The following TMEM267 variants were observed in gnomAD, a reference collection of about 807,000 sequenced individuals.
TMEM267 encodes the protein transmembrane protein C5orf28.
TMEM267 carries 20 observed loss-of-function variants against 19.3 expected under a neutral mutation model. The observed-to-expected ratio is 1.04, with a 90% CI of 0.73 to 1.51. The LOEUF is 1.51. Ranked by LOEUF, TMEM267 falls within the 40% of genes most tolerant of loss-of-function variation. The probability of loss-of-function intolerance (pLI) is 0.00; values close to 1 mark genes in which losing one functional copy is unlikely to be tolerated. For synonymous variants in TMEM267, 88 were observed against 90.3 expected, an observed-to-expected ratio of 0.97 and a Z score of 0.15; for missense variants, 242 against 261.9, an observed-to-expected ratio of 0.92 and a Z score of 0.52.
chr5:43,453,704 A>G lies in TMEM267; in HGVS notation c.266T>C (p.Val89Ala). 6.2e-7 allele frequency: 1 copy of G among 1,614,110 alleles called. No individual in the cohort carries two copies. The highest frequency in any genetic ancestry group is 1.3e-5 in the African/African-American group (1 of 75,058). ...EIILAGFLAS[V>A]IDVDHFFLAG... ...TAGAAAAAAGTGGTCTACATCAATA[A>G]CAGAGGCTAAAAATCCAGCTAAAAT... The change falls in exon 2 of 3, where the codon GTT becomes GCT. Residue 89 changes from valine to alanine, a missense_variant. Transcript: ENST00000397080.
intron 1 of TMEM267, among the ~76,000 whole-genome samples, chr5:43,474,245 C>T (rs1260345660): frequency 3.9e-5 from 6 of 152,038 alleles, no homozygotes; most frequent in Admixed American, 3.9e-4. Flanking sequence ...CAACAAAAGC[C>T]AAAATAGACA....
intron 1 of TMEM267, among the ~76,000 whole-genome samples, chr5:43,464,908 T>C (rs914499565): frequency 6.6e-6 from 1 of 152,218 alleles, no homozygotes; most frequent in African/African-American, 2.4e-5. Flanking sequence ...AAGGACTTCA[T>C]GTCTAAGACA....
chr5:43,473,372 A>G (rs1398408796), intron 1 of TMEM267, among the ~76,000 whole-genome samples: 1 of 152,168 alleles, frequency 6.6e-6, no homozygotes, highest in Admixed American at 6.5e-5. Context: ...GTCTCAGCCC[A>G]AAATCTCCTT....
At chr5:43,481,327 C>A (rs1744752252) in intron 1 of TMEM267, among the ~76,000 whole-genome samples, 1 of 151,942 alleles carries the variant, frequency 6.6e-6, no homozygotes, top group African/African-American at 2.4e-5. Flanking sequence ...GTCTTCAGCT[C>A]CTGGCCTCAA....
intron 2 of TMEM267, among the ~76,000 whole-genome samples, chr5:43,452,214 C>A (rs1257270087): frequency 2.6e-5 from 4 of 151,958 alleles, no homozygotes. Context: ...CAGTGGATGA[C>A]TGGATAAAAT....
chr5:43,465,382 A>C (rs1743589317), intron 1 of TMEM267, among the ~76,000 whole-genome samples: 1 of 152,256 alleles, frequency 6.6e-6, no homozygotes, highest in African/African-American at 2.4e-5. Context: ...AAACTAGTTC[A>C]ACCATTGTGG....
intron 1 of TMEM267, among the ~76,000 whole-genome samples, chr5:43,469,559 A>G (rs1227010247): frequency 3.9e-5 from 6 of 152,216 alleles, no homozygotes; most frequent in South Asian, 4.1e-4. Context: ...AAAATTCAAC[A>G]TTTATTTGTT....
chr5:43,453,608 A>T (rs1219391609), intron 2 of TMEM267, 50 bp downstream of exon 2: 3 of 1,520,190 alleles, frequency 2.0e-6, no homozygotes, highest in Admixed American at 1.9e-5. Flanking sequence ...GATCAGCAAA[A>T]TAGTGCTAAG....
intron 1 of TMEM267, among the ~76,000 whole-genome samples, chr5:43,468,246 G>T (rs1049078088): frequency 1.3e-5 from 2 of 152,180 alleles, no homozygotes; most frequent in African/African-American, 4.8e-5. Flanking sequence ...CTATTACAAG[G>T]TGAAAGACGC....
chr5:43,479,960 T>C, intron 1 of TMEM267: 1 of 405,708 alleles, frequency 2.5e-6, no homozygotes, highest in Admixed American at 3.3e-5. Flanking sequence ...TGAATCATTG[T>C]CTCCTTTAGA....
intron 2 of TMEM267, among the ~76,000 whole-genome samples, chr5:43,451,171 A>C (rs1742564560): frequency 6.6e-6 from 1 of 152,140 alleles, no homozygotes; most frequent in Non-Finnish European, 1.5e-5. Flanking sequence ...TATCATGCTT[A>C]TTTAATCCTC....
chr5:43,479,021 A>G (rs1168577904), intron 1 of TMEM267, among the ~76,000 whole-genome samples: 1 of 152,104 alleles, frequency 6.6e-6, no homozygotes. Context: ...ATAAGGAAAT[A>G]ATTAGATAAA....
intron 1 of TMEM267, among the ~76,000 whole-genome samples, chr5:43,482,097 C>G (rs1035289733): frequency 6.6e-6 from 1 of 152,226 alleles, no homozygotes; most frequent in Non-Finnish European, 1.5e-5. Context: ...CCCGCCTCGG[C>G]CTCCCAAAGT....
chr5:43,468,352 G>A (rs1012007235), intron 1 of TMEM267, among the ~76,000 whole-genome samples: 1 of 152,076 alleles, frequency 6.6e-6, no homozygotes, highest in African/African-American at 2.4e-5. Flanking sequence ...TGGATGTGCT[G>A]GGAGTCAGCT....
Position 43,446,132 on chromosome 5 carries a change from C to A in TMEM267, c.*90G>T. On this transcript the variant is annotated 3_prime_UTR_variant, in exon 3 of 3. Transcript: ENST00000397080. ...TATAATAACTAAATAATATAAACACCTAACTGTATTTTTAAAAATTAACTT... is the reference window on the plus strand; with the variant it reads ...TATAATAACTAAATAATATAAACACATAACTGTATTTTTAAAAATTAACTT... 1.3e-6 allele frequency: 1 copy of A among 757,646 alleles called. No individual in the cohort carries two copies. The highest frequency in any genetic ancestry group is 2.1e-6 in the Non-Finnish European group (1 of 471,614). 46.9% of individuals were successfully genotyped at this position (757,646 alleles called of 1,614,324 possible).
At chr5:43,479,404 A>G (rs1391021887) in intron 1 of TMEM267, among the ~76,000 whole-genome samples, 1 of 152,034 alleles carries the variant, frequency 6.6e-6, no homozygotes, top group African/African-American at 2.4e-5. Context: ...CATAAAACCA[A>G]TAAAGCTACT....
rs1173266959 is a variant in TMEM267 at position 43,472,547 on chromosome 5, C to T, written c.-75+11275G>A. Reference sequence around the variant, plus strand: ...TAAGATGTGGAAGCAACCTAAGGGTCTATCAACATATGAATGGATAAAGAA... The same window carrying T: ...TAAGATGTGGAAGCAACCTAAGGGTTTATCAACATATGAATGGATAAAGAA... On this transcript the variant is annotated intron_variant, in intron 1 of 2. Transcript: ENST00000397080. Among the ~76,000 whole-genome samples the T allele has an allele frequency of 5.9e-5, 9 of 152,202 alleles. No homozygotes were observed. In the South Asian group the frequency reaches 1.5e-3, roughly 25 times the overall value.
intron 1 of TMEM267, among the ~76,000 whole-genome samples, chr5:43,470,611 TCTCAGATATTTTATG>T (rs1744008383): frequency 6.6e-6 from 1 of 152,228 alleles, no homozygotes; most frequent in African/African-American, 2.4e-5. Context: ...TTGAGAGCTG[TCTCAGATATTTTATG>T]TTCACAACAC....
chr5:43,477,184 C>A (rs1407273245), intron 1 of TMEM267, among the ~76,000 whole-genome samples: 1 of 151,988 alleles, frequency 6.6e-6, no homozygotes, highest in Non-Finnish European at 1.5e-5. Context: ...AGGGTAAGAC[C>A]CTGTCTGAAA....
Sources: gnomAD v4.1 joint callset for allele counts (sites outside exome capture counted in the v4.1 genomes callset) on GRCh38, gnomAD v4.1.1 for gene constraint, MANE v1.5 for transcripts, NCBI Gene and HGNC (gene_info 2026-07-23, HGNC 2026-07-21) for gene names.